PRDM16: variants seen among roughly 807,000 people sequenced by gnomAD.
PRDM16 encodes the protein PR/SET domain 16.
In PRDM16, 23 loss-of-function variants were observed where a neutral mutation model predicts 110.6. The ratio of observed to expected loss-of-function variants is 0.21; its 90% CI spans 0.15 to 0.29. The LOEUF is 0.29. Ranked by LOEUF, PRDM16 falls within the 10% of genes least tolerant of loss-of-function variation. The pLI is 1.00. For missense variants in PRDM16, 1,615 were observed against 1,794.3 expected (o/e 0.90, Z 1.81); for synonymous variants, 799 against 781.8 (o/e 1.02, Z -0.37).
intron 2 of PRDM16, among the ~76,000 whole-genome samples, chr1:3,196,479 C>T (rs1027986892): frequency 6.6e-6 from 1 of 152,232 alleles, no homozygotes; most frequent in Non-Finnish European, 1.5e-5. Flanking sequence ...CCTTGTGGGG[C>T]CTGAGAATGC....
chr1:3,123,061 T>C (rs1301839844), intron 1 of PRDM16, among the ~76,000 whole-genome samples: 1 of 152,198 alleles, frequency 6.6e-6, no homozygotes, highest in African/African-American at 2.4e-5. Context: ...GAAGTCAGTG[T>C]TCTTCGGTGT....
At position 3,143,364 on chromosome 1, in the gene PRDM16, C is replaced by G. The variant is rs1232133670; in HGVS notation, c.38-42761C>G. On this transcript the variant is annotated intron_variant, in intron 1 of 16. Coordinates refer to ENST00000270722, the MANE Select transcript of PRDM16 (RefSeq NM_022114.4). This position sits in a 1 kb window ranked among gnomAD's most constrained non-coding sequence, Gnocchi z 4.5. Reference sequence around the variant, plus strand: ...GCAGTAGGGCTCCAAGCACCAGCCCCTCGCCCCAGTCCCAGCAGGTGGCCT... The same window carrying G: ...GCAGTAGGGCTCCAAGCACCAGCCCGTCGCCCCAGTCCCAGCAGGTGGCCT... Among the ~76,000 whole-genome samples the G allele has an allele frequency of 6.6e-6, 1 of 152,302 alleles. No homozygotes were observed. Among genetic ancestry groups the G allele is most frequent in the South Asian group, 2.1e-4 (1 of 4,826 alleles).
intron 9 of PRDM16, 106 bp from the exon 10 acceptor site, chr1:3,414,454 G>T: frequency 1.3e-6 from 1 of 787,538 alleles, no homozygotes; most frequent in South Asian, 1.6e-5. Context: ...ATGGCCTTGT[G>T]ACTGGCCAGG....
At chr1:3,431,153 G>C in intron 15 of PRDM16, 45 bp downstream of exon 15, 1 of 1,534,778 alleles carries the variant, frequency 6.5e-7, no homozygotes, top group Non-Finnish European at 8.8e-7. Flanking sequence ...GAGGGAACGT[G>C]GGCGTCCATC....
chr1:3,208,077 C>T lies in PRDM16; in HGVS notation c.387+21603C>T, dbSNP rs183833824. 6.6e-6 allele frequency: 1 copy of T among 152,314 alleles called. No homozygotes were observed. Among genetic ancestry groups the T allele is most frequent in the Non-Finnish European group, 1.5e-5 (1 of 68,132 alleles). 9.4% of individuals were successfully genotyped at this position (152,314 alleles called of 1,614,324 possible). A position where few individuals can be genotyped will look rare whatever the true frequency, so the allele number is the denominator to read the frequency against. On this transcript the variant is annotated intron_variant, in intron 2 of 16. Transcript: ENST00000270722. This position sits in a 1 kb window ranked among gnomAD's most constrained non-coding sequence, Gnocchi z 6.1. ...AGGCTGTTCCAGGGATCATGGGGGC[C>T]TCTGCATGGGAAAGCCCAAGCCAGC...
At chr1:3,414,310 G>A (rs1336775696) in intron 9 of PRDM16, among the ~76,000 whole-genome samples, 1 of 152,182 alleles carries the variant, frequency 6.6e-6, no homozygotes, top group African/African-American at 2.4e-5. Context: ...GGGAACCACT[G>A]AGGGAGAGTG....
intron 3 of PRDM16, among the ~76,000 whole-genome samples, chr1:3,268,542 C>T (rs1640352956): frequency 6.6e-6 from 1 of 152,164 alleles, no homozygotes; most frequent in Non-Finnish European, 1.5e-5. Context: ...GCCTGGCAGG[C>T]CCTGGCAACT....
At chr1:3,388,795 C>T (rs1033520503) in intron 4 of PRDM16, among the ~76,000 whole-genome samples, 5 of 152,276 alleles carry the variant, frequency 3.3e-5, no homozygotes, top group Middle Eastern at 3.4e-3. Flanking sequence ...ACTTTGGAGG[C>T]GGGGGAGTCA....
At position 3,337,039 on chromosome 1, in the gene PRDM16, ACATT is replaced by A. The variant is rs532248317; in HGVS notation, c.439-48109_439-48106del. Among the ~76,000 whole-genome samples, 10 of 149,000 alleles carry A rather than the reference ACATT, an allele frequency of 6.7e-5. No individual in the cohort carries two copies. In the South Asian group the frequency reaches 1.7e-3, roughly 26 times the overall value. On this transcript the variant is annotated intron_variant, in intron 3 of 16. Transcript: ENST00000270722. ...TGTGTTGGAGTGAGTCTGTGTGTGC[ACATT>A]CATGCACATCTGTTGGTGTGAATCT... is the stretch of plus-strand genomic sequence containing the variant.
At chr1:3,120,797 C>A (rs1328876118) in intron 1 of PRDM16, among the ~76,000 whole-genome samples, 1 of 152,152 alleles carries the variant, frequency 6.6e-6, no homozygotes, top group Non-Finnish European at 1.5e-5. Flanking sequence ...CAGGGCCGAG[C>A]CCTGGCCAAG....
rs1201679329 is a variant in PRDM16 at position 3,157,731 on chromosome 1, T to G, written c.38-28394T>G. On this transcript the variant is annotated intron_variant, in intron 1 of 16. Transcript: ENST00000270722. This position sits in a 1 kb window ranked among gnomAD's most constrained non-coding sequence, Gnocchi z 4.8. The stretch of plus-strand genomic sequence containing the variant: ...AGCAAATACCCACAGGAGGCTGTGT[T>G]TGGCCACTAGCGGAGATGGCCCCAG... 1.3e-5 allele frequency among the ~76,000 whole-genome samples: 2 copies of G among 152,128 alleles called. No individual in the cohort carries two copies. The highest frequency in any genetic ancestry group is 3.9e-4 in the East Asian group (2 of 5,158).
chr1:3,240,049 A>G (rs1267400582), intron 2 of PRDM16, among the ~76,000 whole-genome samples: 9 of 91,250 alleles, frequency 9.9e-5, no homozygotes, highest in African/African-American at 5.1e-4. Flanking sequence ...AGAGGAGAGG[A>G]GAGGAGAAGA....
At chr1:3,427,209 A>G (rs1638634876) in intron 14 of PRDM16, among the ~76,000 whole-genome samples, 2 of 152,122 alleles carry the variant, frequency 1.3e-5, no homozygotes, top group African/African-American at 4.8e-5. Flanking sequence ...GGCCTCACTT[A>G]CTCTGGGGGA....
rs2100829037 is a variant in PRDM16, at chr1:3,201,683, C to A, written c.387+15209C>A. Reference sequence around the variant, plus strand: ...GGTCGGGGACCCCAGCCACTTCCAGCACCTGCAGGGCAGGACCTCCCCGCT... The same window carrying A: ...GGTCGGGGACCCCAGCCACTTCCAGAACCTGCAGGGCAGGACCTCCCCGCT... On this transcript the variant is annotated intron_variant, in intron 2 of 16. Coordinates refer to ENST00000270722, the MANE Select transcript of PRDM16 (RefSeq NM_022114.4). The surrounding 1 kb of genome is among the most constrained non-coding windows in gnomAD (Gnocchi z 4.1). Among the ~76,000 whole-genome samples, 1 of 152,372 alleles carries A rather than the reference C, an allele frequency of 6.6e-6. No homozygotes were observed. The highest frequency in any genetic ancestry group is 2.1e-4 in the South Asian group (1 of 4,830).
chr1:3,177,635 C>T (rs1218155797), intron 1 of PRDM16, among the ~76,000 whole-genome samples: 2 of 152,230 alleles, frequency 1.3e-5, no homozygotes, highest in Non-Finnish European at 1.5e-5. Context: ...AGCGAGCCAA[C>T]GTCAGTGCTC....
At chr1:3,377,668 C>T (rs990372266) in intron 3 of PRDM16, among the ~76,000 whole-genome samples, 4 of 152,220 alleles carry the variant, frequency 2.6e-5, no homozygotes, top group East Asian at 3.9e-4. Context: ...GTTTAAGCAG[C>T]GATCAGGCAG....
chr1:3,238,430 T>A (rs1639587153), intron 2 of PRDM16, among the ~76,000 whole-genome samples: 1 of 152,198 alleles, frequency 6.6e-6, no homozygotes, highest in Non-Finnish European at 1.5e-5. Context: ...AGTAACTGTT[T>A]AGGCATAAAA....
intron 1 of PRDM16, among the ~76,000 whole-genome samples, chr1:3,090,241 C>A (rs1342584048): frequency 1.3e-5 from 2 of 152,246 alleles, no homozygotes; most frequent in Non-Finnish European, 2.9e-5. Flanking sequence ...CAGACCTGGC[C>A]TGGGACTGCC....
At chr1:3,297,265 C>T (rs1189389473) in intron 3 of PRDM16, among the ~76,000 whole-genome samples, 1 of 149,104 alleles carries the variant, frequency 6.7e-6, no homozygotes, top group African/African-American at 2.5e-5. Flanking sequence ...TCCAGGTCAA[C>T]GTCTGGTGAG....
Sources: allele counts gnomAD v4.1 joint callset (sites outside exome capture counted in the v4.1 genomes callset), GRCh38; gene constraint gnomAD v4.1.1; non-coding constraint Gnocchi (gnomAD v3.1); transcripts MANE v1.5; gene names NCBI Gene and HGNC (gene_info 2026-07-23, HGNC 2026-07-21).